Variants in CFAP95 observed in about 807,000 individuals in gnomAD.
The protein encoded by CFAP95 is cilia- and flagella-associated protein 95.
chr9:69,895,765 A>G, the CFAP95 span, among the ~76,000 whole-genome samples: 1 of 152,054 alleles, frequency 6.6e-6, no homozygotes, highest in African/African-American at 2.4e-5. Context: ...TTCTCCAGAA[A>G]CTTAACTTTT....
chr9:69,841,197 T>TATATATATATATATATA, the CFAP95 span, among the ~76,000 whole-genome samples: 397 of 131,250 alleles, frequency 3.0e-3, no homozygotes, highest in Non-Finnish European at 4.1e-3. Context: ...TATATATATA[T>TATATATATATATATATA]TTCTGATTTA....
the CFAP95 span, among the ~76,000 whole-genome samples, chr9:69,827,742 C>T: frequency 2.0e-5 from 3 of 152,144 alleles, no homozygotes; most frequent in East Asian, 1.9e-4. Flanking sequence ...CCTCCAGATT[C>T]GGTCCCACTC....
At chr9:69,870,643 G>C in the CFAP95 span, among the ~76,000 whole-genome samples, 1 of 152,312 alleles carries the variant, frequency 6.6e-6, no homozygotes, top group African/African-American at 2.4e-5. Context: ...CTATTTTATG[G>C]ACTGTGGCAT....
the CFAP95 span, chr9:69,821,137 G>T: frequency 6.2e-6 from 8 of 1,296,006 alleles, no homozygotes; most frequent in Admixed American, 9.9e-5. Context: ...GACAGGAGTG[G>T]AGACGACAGA....
the CFAP95 span, among the ~76,000 whole-genome samples, chr9:69,868,710 A>G: frequency 6.6e-6 from 1 of 151,786 alleles, no homozygotes. Flanking sequence ...ACAAAAATGA[A>G]AAGGCAGCCT....
chr9:69,831,375 C>A, the CFAP95 span, among the ~76,000 whole-genome samples: 1 of 151,916 alleles, frequency 6.6e-6, no homozygotes, highest in African/African-American at 2.4e-5. Flanking sequence ...ATTAAATAAG[C>A]TTTTTTTAAA....
the CFAP95 span, among the ~76,000 whole-genome samples, chr9:69,857,064 A>G: frequency 9.9e-5 from 15 of 152,028 alleles, no homozygotes; most frequent in Non-Finnish European, 2.1e-4. Context: ...TCTACTTCGT[A>G]GGGTTGTTAT....
the CFAP95 span, chr9:69,844,609 G>T: frequency 6.2e-7 from 1 of 1,611,728 alleles, no homozygotes; most frequent in Non-Finnish European, 8.5e-7. Flanking sequence ...CGGCGACTGG[G>T]AACCGATGAA....
the CFAP95 span, among the ~76,000 whole-genome samples, chr9:69,852,394 G>A: frequency 6.6e-6 from 1 of 152,162 alleles, no homozygotes; most frequent in Non-Finnish European, 1.5e-5. Context: ...TCACCTTGAT[G>A]ATTTAAAAAC....
At chr9:69,866,932 A>G in the CFAP95 span, among the ~76,000 whole-genome samples, 1 of 152,174 alleles carries the variant, frequency 6.6e-6, no homozygotes, top group African/African-American at 2.4e-5. Flanking sequence ...ATTTCCTGGA[A>G]TGGATAGCTT....
At chr9:69,897,648 G>A in the CFAP95 span, among the ~76,000 whole-genome samples, 1 of 152,164 alleles carries the variant, frequency 6.6e-6, no homozygotes, top group Non-Finnish European at 1.5e-5. Context: ...CTATACAGTT[G>A]ACTAAGAAGT....
chr9:69,887,874 C>T, the CFAP95 span, among the ~76,000 whole-genome samples: 1 of 152,208 alleles, frequency 6.6e-6, no homozygotes, highest in East Asian at 1.9e-4. Context: ...GGAACACTGG[C>T]AAGCTTGACT....
the CFAP95 span, among the ~76,000 whole-genome samples, chr9:69,838,644 G>A: frequency 2.6e-5 from 4 of 151,940 alleles, no homozygotes. Context: ...TGAGACAATG[G>A]GGTTTTCTAG....
chr9:69,843,505 C>T, the CFAP95 span, among the ~76,000 whole-genome samples: 99 of 3,826 alleles, frequency 0.026, 10 homozygotes, highest in East Asian at 0.11. Context: ...CCTCCTCCCC[C>T]CCTCCTCCTC....
chr9:69,860,575 T>C, the CFAP95 span, among the ~76,000 whole-genome samples: 1 of 150,186 alleles, frequency 6.7e-6, no homozygotes, highest in Non-Finnish European at 1.5e-5. Context: ...TACCTTAGCT[T>C]GTGGCACCTT....
the CFAP95 span, among the ~76,000 whole-genome samples, chr9:69,847,327 C>T: frequency 2.0e-5 from 3 of 152,116 alleles, no homozygotes; most frequent in Non-Finnish European, 4.4e-5. Flanking sequence ...CATGCATGAT[C>T]CACATTGGAT....
the CFAP95 span, among the ~76,000 whole-genome samples, chr9:69,840,179 G>C: frequency 6.6e-6 from 1 of 151,860 alleles, no homozygotes; most frequent in African/African-American, 2.4e-5. Flanking sequence ...TTTAGTACAT[G>C]TATTTATTTT....
the CFAP95 span, among the ~76,000 whole-genome samples, chr9:69,843,200 T>C: frequency 6.6e-6 from 1 of 152,032 alleles, no homozygotes; most frequent in African/African-American, 2.4e-5. Context: ...TGGCATGTAG[T>C]AGGAATTTTA....
chr9:69,829,438 A>G, the CFAP95 span, among the ~76,000 whole-genome samples: 1 of 152,238 alleles, frequency 6.6e-6, no homozygotes, highest in Non-Finnish European at 1.5e-5. Flanking sequence ...ATCGTTTTAC[A>G]TGCAAGATAA....
Sources: gnomAD v4.1 joint callset for allele counts (sites outside exome capture counted in the v4.1 genomes callset) on GRCh38, gnomAD v4.1.1 for gene constraint, MANE v1.5 for transcripts, NCBI Gene and HGNC (gene_info 2026-07-23, HGNC 2026-07-21) for gene names.